The following CATSPERD variants were observed in gnomAD, a reference collection of about 807,000 sequenced individuals.
The protein encoded by CATSPERD is catsper channel auxiliary subunit delta.
CATSPERD carries 86 observed loss-of-function variants against 98.1 expected under a neutral mutation model. The observed-to-expected ratio is 0.88, with a 90% CI of 0.74 to 1.05. CATSPERD has a LOEUF of 1.05. Among genes scored for constraint, CATSPERD ranks in the 50% least tolerant of loss-of-function variants. The pLI is 0.00. For synonymous variants in CATSPERD, 394 were observed against 390.2 expected (o/e 1.01, Z -0.12); for missense variants, 995 against 1,005.7 (o/e 0.99, Z 0.14).
intron 9 of CATSPERD, among the ~76,000 whole-genome samples, chr19:5,747,714 C>T (rs1205395234): frequency 1.4e-5 from 2 of 147,324 alleles, no homozygotes; most frequent in Non-Finnish European, 3.0e-5. Context: ...TGGGTTCAAG[C>T]AATTCTCCTG....
rs56352544 is a variant in CATSPERD, at chr19:5,763,847, C to CTTTTTTTTTTTTTTTTTTTTTTTT, written c.1506+572_1506+573insTTTTTTTTTTTTTTTTTTTTTTTT. Among the ~76,000 whole-genome samples, 41 of 62,132 alleles carry CTTTTTTTTTTTTTTTTTTTTTTTT rather than the reference C, an allele frequency of 6.6e-4. 9 individuals carry two copies. The highest frequency in any genetic ancestry group is 1.1e-3 in the Non-Finnish European group (35 of 31,378). The allele number at this position is 62,132 out of a possible 152,430, so 40.8% of individuals were successfully genotyped here. On this transcript the variant is annotated intron_variant, in intron 16 of 21. Coordinates refer to ENST00000381624, the MANE Select transcript of CATSPERD (RefSeq NM_152784.4). ...TGTTGGCCAGGCTGGTCTTGAACTC[C>CTTTTTTTTTTTTTTTTTTTTTTTT]TTTTTTTTTTTTTTTTTTGACATGG...
intron 14 of CATSPERD, among the ~76,000 whole-genome samples, chr19:5,758,792 C>T (rs907183838): frequency 7.3e-5 from 11 of 151,298 alleles, no homozygotes; most frequent in South Asian, 6.3e-4. Context: ...GGCATGGTAA[C>T]GCTCACCTGT....
intron 13 of CATSPERD, 63 bp downstream of exon 13, chr19:5,754,308 C>T (rs2145795396): frequency 8.5e-7 from 1 of 1,172,614 alleles, no homozygotes; most frequent in Non-Finnish European, 1.3e-6. Context: ...TGCCCACTCC[C>T]AGATTCTGGA....
At chr19:5,755,217 A>C (rs2056302395) in intron 13 of CATSPERD, among the ~76,000 whole-genome samples, 1 of 151,900 alleles carries the variant, frequency 6.6e-6, no homozygotes. Flanking sequence ...GCCTTCCCCC[A>C]CCCAGCAGGA....
At chr19:5,740,762 C>CAAAAA (rs59937872) in intron 7 of CATSPERD, among the ~76,000 whole-genome samples, 4 of 36,432 alleles carry the variant, frequency 1.1e-4, no homozygotes, top group Admixed American at 3.0e-4. Context: ...AACTCCGTCT[C>CAAAAA]AAAAAAAAAA....
intron 19 of CATSPERD, chr19:5,772,312 CTG>C (rs2056663723): frequency 8.8e-6 from 2 of 228,268 alleles, no homozygotes; most frequent in Non-Finnish European, 1.8e-5. Flanking sequence ...ACCGCAAGCT[CTG>C]CCTCCCGGGT....
rs554429104 is a variant in CATSPERD, at chr19:5,778,527, G to A, written c.2248G>A (p.Ala750Thr). The change falls in exon 22 of 22, where the codon GCA becomes ACA. Residue 750 changes from alanine to threonine, a missense_variant. Coordinates refer to ENST00000381624, the MANE Select transcript of CATSPERD (RefSeq NM_152784.4). ...AYKTPKLLRT[A>T]RGRRIKKCAT... ...CAAGACCCCCAAGCTGCTACGCACA[G>A]CACGCGGCCGCAGGATCAAGAAGTG... 23 of 1,613,974 alleles carry A rather than the reference G, an allele frequency of 1.4e-5. No individual in the cohort carries two copies. The highest frequency in any genetic ancestry group is 1.6e-4 in the Middle Eastern group (1 of 6,062).
At chr19:5,729,404 A>C (rs773590994) in intron 3 of CATSPERD, among the ~76,000 whole-genome samples, 1 of 152,206 alleles carries the variant, frequency 6.6e-6, no homozygotes, top group African/African-American at 2.4e-5. Context: ...TGGCCAACTC[A>C]GTAATTCTTT....
At position 5,746,026 on chromosome 19, in the gene CATSPERD, A is replaced by G. The variant is rs766577195; in HGVS notation, c.771A>G (p.Leu257=). The G allele has an allele frequency of 3.7e-6, 6 of 1,614,064 alleles. No homozygotes were observed. The highest frequency in any genetic ancestry group is 4.2e-6 in the Non-Finnish European group (5 of 1,180,000). Residue 257 remains leucine, a synonymous_variant, in exon 9 of 22, where the codon CTA becomes CTG. Coordinates refer to ENST00000381624, the MANE Select transcript of CATSPERD (RefSeq NM_152784.4). ...IAPGQRGILL[L]WFENSLLFSH... ...CCGGCCAGAGAGGCATCCTGCTCCT[A>G]TGGTTTGAGAACAGCCTGTTGTTTT... is the stretch of plus-strand genomic sequence containing the variant.
intron 4 of CATSPERD, among the ~76,000 whole-genome samples, chr19:5,730,376 C>G (rs2055689762): frequency 6.6e-6 from 1 of 151,602 alleles, no homozygotes; most frequent in Admixed American, 6.6e-5. Context: ...AACCCCGTCT[C>G]TACTAAAAAT....
At chr19:5,776,527 G>T (rs1375915570) in intron 21 of CATSPERD, among the ~76,000 whole-genome samples, 2 of 152,182 alleles carry the variant, frequency 1.3e-5, no homozygotes, top group African/African-American at 4.8e-5. Context: ...AGTGCTGGGG[G>T]AACAGCAGTG....
Position 5,727,116 on chromosome 19 carries a change from A to G in CATSPERD, c.127-152A>G, listed in dbSNP as rs2055619810. The stretch of plus-strand genomic sequence containing the variant: ...AGGCTGAGGCAGGAGAATGGTGTGA[A>G]CCTGGGAGGCGGAGCTTGCAGTGAG... On this transcript the variant is annotated intron_variant, in intron 2 of 21. Coordinates refer to ENST00000381624, the MANE Select transcript of CATSPERD (RefSeq NM_152784.4). 4 of 540,306 alleles carry G rather than the reference A, an allele frequency of 7.4e-6. No homozygotes were observed. The South Asian group carries it at 8.2e-5, about 11-fold the overall frequency. The allele number at this position is 540,306 out of a possible 1,614,324, so 33.5% of individuals were successfully genotyped here.
intron 13 of CATSPERD, among the ~76,000 whole-genome samples, chr19:5,755,949 C>A (rs1435801214): frequency 1.3e-5 from 2 of 151,996 alleles, no homozygotes; most frequent in Non-Finnish European, 2.9e-5. Flanking sequence ...CCATTGCACT[C>A]CAGCCTGGGT....
rs140185127 is a variant in CATSPERD, at chr19:5,776,788, C to T, written c.2096+473C>T. Among the ~76,000 whole-genome samples, 364 of 151,740 alleles carry T rather than the reference C, an allele frequency of 2.4e-3. 1 individual carries two copies. Among genetic ancestry groups the T allele is most frequent in the African/African-American group, 8.6e-3 (357 of 41,382 alleles). ...ACTCGGGAGGCTGAGGCAGGAGAATCGCTTGAACCCGGGAGGCAGAGGTTG... is the reference window on the plus strand; with the variant it reads ...ACTCGGGAGGCTGAGGCAGGAGAATTGCTTGAACCCGGGAGGCAGAGGTTG... On this transcript the variant is annotated intron_variant, in intron 21 of 21. Coordinates refer to ENST00000381624, the MANE Select transcript of CATSPERD (RefSeq NM_152784.4).
Position 5,778,596 on chromosome 19 carries a change from A to G in CATSPERD, c.2317A>G (p.Arg773Gly). 6.2e-7 allele frequency: 1 copy of G among 1,613,818 alleles called. No homozygotes were observed. Among genetic ancestry groups the G allele is most frequent in the East Asian group, 2.2e-5 (1 of 44,882 alleles). ...GAGATGCAAGACGGTCTGCCAGTTC[A>G]GGGCCTCAGCCACAGCCAGGGCAGG... ...CRRCKTVCQF[R>G]ASATARAGTE... The change falls in exon 22 of 22, where the codon AGG (arginine) becomes GGG (glycine). Residue 773 changes from arginine (R) to glycine (G), a missense_variant. Transcript: ENST00000381624.
intron 4 of CATSPERD, among the ~76,000 whole-genome samples, chr19:5,731,591 C>T (rs1186741950): frequency 3.5e-5 from 1 of 28,826 alleles, no homozygotes; most frequent in Non-Finnish European, 6.4e-5. Context: ...TTTTTTGAGA[C>T]GGAGTCTCGC....
intron 5 of CATSPERD, among the ~76,000 whole-genome samples, chr19:5,736,533 G>A (rs1458128977): frequency 3.3e-5 from 5 of 150,566 alleles, no homozygotes; most frequent in Admixed American, 2.0e-4. Context: ...CCTGGCCACC[G>A]TGGCGAAACT....
rs1469948907 is a variant in CATSPERD, at chr19:5,766,097, C to G, written c.1507-6C>G. On this transcript the variant is annotated splice_region_variant and splice_polypyrimidine_tract_variant and intron_variant, in intron 16 of 21. Transcript: ENST00000381624. ...GGGTCCATATTTCTGTCTCTCTCCT[C>G]TGCAGTCGACACTGATTTCAGTTGG... 1 of 1,612,438 alleles carries G rather than the reference C, an allele frequency of 6.2e-7. No homozygotes were observed.
chr19:5,741,800 G>GGGGGGGGGGGGGGGGGGGGT (rs2055976568), intron 7 of CATSPERD, among the ~76,000 whole-genome samples: 1 of 75,746 alleles, frequency 1.3e-5, no homozygotes, highest in Admixed American at 1.3e-4. Flanking sequence ...GGGGGGGGGT[G>GGGGGGGGGGGGGGGGGGGGT]GTGTGGATCA....
Sources: gnomAD v4.1 joint callset for allele counts (sites outside exome capture counted in the v4.1 genomes callset) on GRCh38, gnomAD v4.1.1 for gene constraint, MANE v1.5 for transcripts, NCBI Gene and HGNC (gene_info 2026-07-23, HGNC 2026-07-21) for gene names.